The following PDE10A variants were observed in gnomAD, a reference collection of about 807,000 sequenced individuals.
The protein encoded by PDE10A is cAMP and cAMP-inhibited cGMP 3',5'-cyclic phosphodiesterase 10A.
A neutral mutation model predicts 97.7 loss-of-function variants in PDE10A; 39 were observed. That is an observed-to-expected ratio of 0.40 (90% CI 0.31 to 0.52). PDE10A has a LOEUF of 0.52. Ranked by LOEUF, PDE10A falls within the 20% of genes least tolerant of loss-of-function variation. The pLI, the probability that PDE10A is intolerant of heterozygous loss-of-function variation, is 0.56. For synonymous variants in PDE10A, 371 were observed against 376.8 expected, an observed-to-expected ratio of 0.98 and a Z score of 0.18; for missense variants, 731 against 1,047.8, an observed-to-expected ratio of 0.70 and a Z score of 4.17.
intron 2 of PDE10A, among the ~76,000 whole-genome samples, chr6:165,525,124 T>A (rs2128310842): frequency 6.6e-6 from 1 of 152,212 alleles, no homozygotes; most frequent in South Asian, 2.1e-4. Flanking sequence ...TAGTCTGAAG[T>A]CCCGGCGAGC....
At chr6:165,528,601 C>G (rs1782586989) in intron 2 of PDE10A, among the ~76,000 whole-genome samples, 1 of 152,198 alleles carries the variant, frequency 6.6e-6, no homozygotes, top group African/African-American at 2.4e-5. Flanking sequence ...GTTTGCCTAT[C>G]CTGCATGCAA....
At chr6:165,621,204 T>C (rs1356602017) in intron 1 of PDE10A, among the ~76,000 whole-genome samples, 1 of 151,764 alleles carries the variant, frequency 6.6e-6, no homozygotes. Context: ...ATACATTAAG[T>C]TCAGTATATT....
At chr6:165,890,985 T>C (rs961374112) in intron 1 of PDE10A, among the ~76,000 whole-genome samples, 2 of 152,192 alleles carry the variant, frequency 1.3e-5, no homozygotes, top group Non-Finnish European at 2.9e-5. Context: ...AAATGATTTT[T>C]CCCACAACCT....
intron 2 of PDE10A, among the ~76,000 whole-genome samples, chr6:165,490,612 T>C (rs972069175): frequency 1.3e-5 from 2 of 152,068 alleles, no homozygotes; most frequent in African/African-American, 4.8e-5. Flanking sequence ...AATACTAACA[T>C]TGAATGCAAA....
At chr6:165,684,216 C>T (rs548171496) in intron 1 of PDE10A, among the ~76,000 whole-genome samples, 1 of 152,274 alleles carries the variant, frequency 6.6e-6, no homozygotes, top group East Asian at 1.9e-4. Flanking sequence ...CCTTGGTCTC[C>T]TCTCGCTAAG....
intron 1 of PDE10A, among the ~76,000 whole-genome samples, chr6:165,599,787 A>G (rs1482383865): frequency 6.6e-6 from 1 of 152,226 alleles, no homozygotes; most frequent in African/African-American, 2.4e-5. Context: ...CCAACAGTAC[A>G]GAGCTGGTGA....
intron 1 of PDE10A, among the ~76,000 whole-genome samples, chr6:165,970,356 C>T (rs1365546936): frequency 6.6e-6 from 1 of 152,070 alleles, no homozygotes; most frequent in Non-Finnish European, 1.5e-5. Flanking sequence ...CGATTATTTT[C>T]CTGATTTTGG....
At chr6:165,895,345 C>T (rs1229643359) in intron 1 of PDE10A, among the ~76,000 whole-genome samples, 3 of 152,066 alleles carry the variant, frequency 2.0e-5, no homozygotes, top group Non-Finnish European at 4.4e-5. Flanking sequence ...ATGCAGAGGA[C>T]GGCCACCCTG....
chr6:165,874,828 G>A (rs558200525), intron 1 of PDE10A, among the ~76,000 whole-genome samples: 7 of 152,152 alleles, frequency 4.6e-5, no homozygotes, highest in African/African-American at 1.7e-4. Context: ...TCTGGTAGCA[G>A]ACATCAAATT....
intron 18 of PDE10A, among the ~76,000 whole-genome samples, chr6:165,350,484 A>G (rs1348943474): frequency 6.6e-6 from 1 of 152,102 alleles, no homozygotes; most frequent in Non-Finnish European, 1.5e-5. Context: ...GGTGGGAGGG[A>G]CTTGTATCAG....
chr6:165,947,980 T>G (rs1420284191), intron 1 of PDE10A, among the ~76,000 whole-genome samples: 1 of 152,148 alleles, frequency 6.6e-6, no homozygotes, highest in African/African-American at 2.4e-5. Flanking sequence ...ATATGTAAAT[T>G]ACAGGGAATA....
intron 8 of PDE10A, among the ~76,000 whole-genome samples, chr6:165,430,636 G>A (rs561802492): frequency 6.7e-6 from 1 of 148,896 alleles, no homozygotes; most frequent in South Asian, 2.1e-4. Context: ...TGAGGCTTCA[G>A]AATTAATAAG....
chr6:165,526,095 T>C (rs1236615211), intron 2 of PDE10A, among the ~76,000 whole-genome samples: 1 of 152,174 alleles, frequency 6.6e-6, no homozygotes, highest in African/African-American at 2.4e-5. Flanking sequence ...GCGGTGAATC[T>C]TTCTCTCATC....
intron 1 of PDE10A, among the ~76,000 whole-genome samples, chr6:165,725,331 C>A (rs1170225394): frequency 1.3e-5 from 2 of 152,220 alleles, no homozygotes; most frequent in African/African-American, 4.8e-5. Flanking sequence ...ACAAAAAGAG[C>A]GCCCTGTAAC....
At chr6:165,556,701 T>C (rs985287475) in intron 1 of PDE10A, among the ~76,000 whole-genome samples, 1 of 152,182 alleles carries the variant, frequency 6.6e-6, no homozygotes, top group Non-Finnish European at 1.5e-5. Context: ...ACAATGAGCC[T>C]GTGGACAAGC....
At chr6:165,448,343 C>T (rs889516462) in intron 5 of PDE10A, among the ~76,000 whole-genome samples, 1 of 152,036 alleles carries the variant, frequency 6.6e-6, no homozygotes. Context: ...TTGCATTTTC[C>T]GGCGGGCTGT....
At chr6:165,568,166 T>C (rs893566645) in intron 1 of PDE10A, among the ~76,000 whole-genome samples, 1 of 151,740 alleles carries the variant, frequency 6.6e-6, no homozygotes. Context: ...GCCTGGCTAA[T>C]TTTTTTGTAT....
upstream of PDE10A, among the ~76,000 whole-genome samples, chr6:165,664,164 C>T (rs541059689): frequency 6.6e-6 from 1 of 152,238 alleles, no homozygotes; most frequent in South Asian, 2.1e-4. Context: ...AAAACGGTCA[C>T]CCAAGCGCCA....
At chr6:165,343,330 A>G in intron 19 of PDE10A, 61 bp downstream of exon 19, 1 of 1,128,010 alleles carries the variant, frequency 8.9e-7, no homozygotes, top group Non-Finnish European at 1.4e-6. Flanking sequence ...ATTCTTAGCA[A>G]TTGATCCATA....
Sources: allele counts gnomAD v4.1 joint callset (sites outside exome capture counted in the v4.1 genomes callset), GRCh38; gene constraint gnomAD v4.1.1; transcripts MANE v1.5; gene names NCBI Gene and HGNC (gene_info 2026-07-23, HGNC 2026-07-21).